Variants in CDH2 observed in about 807,000 individuals in gnomAD.
CDH2 encodes the protein cadherin-2.
CDH2 carries 17 observed loss-of-function variants against 92.0 expected under a neutral mutation model. The observed-to-expected ratio is 0.18, with a 90% confidence interval of 0.13 to 0.28. The LOEUF is 0.28. Among genes scored for constraint, CDH2 ranks in the 10% least tolerant of loss-of-function variants. The pLI, the probability that CDH2 is intolerant of heterozygous loss-of-function variation, is 1.00. For synonymous variants in CDH2, 419 were observed against 415.9 expected, an observed-to-expected ratio of 1.01 and a Z score of -0.09; for missense variants, 862 against 1,133.1, an observed-to-expected ratio of 0.76 and a Z score of 3.44.
At chr18:28,138,951 T>G (rs747529071) in intron 2 of CDH2, among the ~76,000 whole-genome samples, 2 of 152,092 alleles carry the variant, frequency 1.3e-5, no homozygotes, top group Non-Finnish European at 2.9e-5. Context: ...GACAGTAGTA[T>G]TCTTGCAGAA....
downstream of CDH2, chr18:27,950,871 C>A (rs1909405229): frequency 6.6e-6 from 1 of 152,332 alleles, no homozygotes; most frequent in Admixed American, 6.6e-5. Context: ...AGTGCAAGAA[C>A]AAATACATAC....
rs186044626 is a variant in CDH2, at chr18:28,107,921, T to C, written c.172+39752A>G. On this transcript the variant is annotated intron_variant, in intron 2 of 15. Transcript: ENST00000269141. ...CCCATTCTAGGCCATTAAAAAACAT[T>C]CACAGTTTCCTCCAGTATCCTTCCA... Among the ~76,000 whole-genome samples the C allele has an allele frequency of 7.9e-5, 12 of 152,284 alleles. 1 individual carries two copies. The highest frequency in any genetic ancestry group is 2.4e-4 in the African/African-American group (10 of 41,570).
intron 2 of CDH2, among the ~76,000 whole-genome samples, chr18:28,063,090 C>T (rs1426905987): frequency 6.6e-6 from 1 of 152,134 alleles, no homozygotes; most frequent in Non-Finnish European, 1.5e-5. Flanking sequence ...ATATAAGTAG[C>T]ACTGTATGTC....
intron 1 of CDH2, chr18:28,159,091 T>C (rs549413862): frequency 2.6e-4 from 39 of 152,310 alleles, no homozygotes; most frequent in African/African-American, 8.9e-4. Flanking sequence ...AAAAGAGTCC[T>C]GAGACTAAAA....
At chr18:28,034,084 A>C (rs1242308734) in intron 2 of CDH2, among the ~76,000 whole-genome samples, 1 of 152,050 alleles carries the variant, frequency 6.6e-6, no homozygotes, top group Non-Finnish European at 1.5e-5. Flanking sequence ...TTGGTGAAAA[A>C]AAATAAAAAG....
At chr18:28,176,300 T>A (rs1208366398) in intron 1 of CDH2, among the ~76,000 whole-genome samples, 2 of 152,096 alleles carry the variant, frequency 1.3e-5, no homozygotes, top group African/African-American at 4.8e-5. Flanking sequence ...CCAGACTCGT[T>A]CTACAGGCAG....
At chr18:28,100,447 G>A (rs1022729485) in intron 2 of CDH2, among the ~76,000 whole-genome samples, 5 of 151,812 alleles carry the variant, frequency 3.3e-5, no homozygotes, top group Admixed American at 1.3e-4. Context: ...TACACCATCA[G>A]CTCTCTTGGG....
chr18:28,171,738 C>T (rs2016467500), intron 1 of CDH2, among the ~76,000 whole-genome samples: 1 of 151,958 alleles, frequency 6.6e-6, no homozygotes, highest in South Asian at 2.1e-4. Context: ...TTTAAGTAGC[C>T]CCAGGAATCA....
chr18:28,020,340 CAA>C (rs1177513470), intron 2 of CDH2, among the ~76,000 whole-genome samples: 1 of 151,732 alleles, frequency 6.6e-6, no homozygotes, highest in Non-Finnish European at 1.5e-5. Context: ...CATAGCCTTT[CAA>C]AAAGACTTTA....
At chr18:28,105,969 T>C (rs865965350) in intron 2 of CDH2, among the ~76,000 whole-genome samples, 4 of 152,210 alleles carry the variant, frequency 2.6e-5, no homozygotes, top group African/African-American at 9.6e-5. Context: ...TAGATACGAA[T>C]TGAGTAGAAT....
At chr18:28,110,677 G>A (rs2015396327) in intron 2 of CDH2, among the ~76,000 whole-genome samples, 1 of 152,146 alleles carries the variant, frequency 6.6e-6, no homozygotes, top group Non-Finnish European at 1.5e-5. Flanking sequence ...CTAAAAGAAA[G>A]AAATTAATGA....
At chr18:28,049,438 C>G (rs183929414) in intron 2 of CDH2, among the ~76,000 whole-genome samples, 1 of 152,058 alleles carries the variant, frequency 6.6e-6, no homozygotes, top group Admixed American at 6.5e-5. Context: ...ATGAACAGGA[C>G]AAATATACAC....
intron 2 of CDH2, among the ~76,000 whole-genome samples, chr18:28,080,849 C>A (rs575996558): frequency 1.3e-5 from 2 of 152,264 alleles, no homozygotes; most frequent in East Asian, 3.9e-4. Flanking sequence ...AAGGCCCATG[C>A]CTCTGCTTAC....
At chr18:28,149,247 T>G (rs1045862078) in intron 1 of CDH2, among the ~76,000 whole-genome samples, 2 of 152,162 alleles carry the variant, frequency 1.3e-5, no homozygotes, top group Non-Finnish European at 2.9e-5. Context: ...CACTGAAACA[T>G]GACTGTAATA....
At chr18:28,066,300 C>T (rs952335745) in intron 2 of CDH2, among the ~76,000 whole-genome samples, 4 of 152,148 alleles carry the variant, frequency 2.6e-5, no homozygotes, top group African/African-American at 9.6e-5. Context: ...CTTCAAAATG[C>T]AAATATTTCA....
intron 2 of CDH2, among the ~76,000 whole-genome samples, chr18:28,134,135 CAAAAAA>C (rs34083301): frequency 2.2e-5 from 2 of 91,606 alleles, no homozygotes; most frequent in Admixed American, 1.3e-4. Flanking sequence ...ACTAAATTTA[CAAAAAA>C]AAAAAAAAAA....
At position 28,177,112 on chromosome 18, in the gene CDH2, A is replaced by G. The variant is rs202209267; in HGVS notation, c.-90T>C. ...AGGAGGAGGCAGCGGCAGCACCAAC[A>G]GCGGCGCGGAGAAACGGCTCCAGGC... On this transcript the variant is annotated 5_prime_UTR_variant, in exon 1 of 16. Transcript: ENST00000269141. The G allele has an allele frequency of 4.4e-3, 4,082 of 938,004 alleles. 25 individuals carry two copies. The highest frequency in any genetic ancestry group is 0.022 in the East Asian group (676 of 30,602). The allele number at this position is 938,004 out of a possible 1,614,324, so 58.1% of individuals were successfully genotyped here. A position where few individuals can be genotyped will look rare whatever the true frequency, so the allele number is the denominator to read the frequency against.
At position 28,055,126 on chromosome 18, in the gene CDH2, T is replaced by C. The variant is rs185396880; in HGVS notation, c.173-41217A>G. 4.4e-3 allele frequency among the ~76,000 whole-genome samples: 675 copies of C among 152,216 alleles called. 2 individuals carry two copies. Among genetic ancestry groups the C allele is most frequent in the Middle Eastern group, 6.8e-3 (2 of 294 alleles). On this transcript the variant is annotated intron_variant, in intron 2 of 15. Transcript: ENST00000269141. ...CTTGGCTGAGGAGGCCTCAAAATCA[T>C]GGTGAAAGGCAAAAGACATGTCTTA...
At chr18:28,176,005 T>C (rs1598529397) in intron 1 of CDH2, among the ~76,000 whole-genome samples, 1 of 151,998 alleles carries the variant, frequency 6.6e-6, no homozygotes, top group African/African-American at 2.4e-5. Context: ...CATCCTCGGG[T>C]TGGAGGCGGC....
Sources: gnomAD v4.1 joint callset for allele counts (sites outside exome capture counted in the v4.1 genomes callset) on GRCh38, gnomAD v4.1.1 for gene constraint, MANE v1.5 for transcripts, NCBI Gene and HGNC (gene_info 2026-07-23, HGNC 2026-07-21) for gene names.